SALL4: variants seen among roughly 807,000 people sequenced by gnomAD.
SALL4 encodes the protein spalt like transcription factor 4.
In SALL4, 4 loss-of-function variants were observed where a neutral mutation model predicts 60.8. The ratio of observed to expected loss-of-function variants is 0.07; its 90% CI spans 0.03 to 0.15. SALL4 has a LOEUF of 0.15. Ranked by LOEUF, SALL4 falls within the 10% of genes least tolerant of loss-of-function variation. The pLI, the probability that SALL4 is intolerant of heterozygous loss-of-function variation, is 1.00. For synonymous variants in SALL4, 580 were observed against 574.9 expected (o/e 1.01, Z -0.13); for missense variants, 1,178 against 1,394.7 (o/e 0.84, Z 2.48).
chr20:51,797,730 T>A (rs763310509), intron 1 of SALL4, among the ~76,000 whole-genome samples: 6 of 110,338 alleles, frequency 5.4e-5, no homozygotes, highest in Non-Finnish European at 8.4e-5. Context: ...ATTTTAGGAA[T>A]GTTATCTTGC....
rs1011130665 is a variant in SALL4 at position 51,801,972 on chromosome 20, A to G, written c.130+307T>C. Among the ~76,000 whole-genome samples the G allele has an allele frequency of 9.2e-5, 14 of 151,608 alleles. No individual in the cohort carries two copies. The highest frequency in any genetic ancestry group is 2.1e-4 in the Non-Finnish European group (14 of 67,922). On this transcript the variant is annotated intron_variant, in intron 1 of 3. Transcript: ENST00000217086. This position sits in a 1 kb window ranked among gnomAD's most constrained non-coding sequence, Gnocchi z 5.2. ...GTGGAACCAATTAAGTGAGGGGCAG[A>G]GGACAAGGAGAAGGGAACCTTTCGG...
rs1377043131 is a variant in SALL4, at chr20:51,788,817, C to T, written c.2742+44G>A. 1.2e-6 allele frequency: 2 copies of T among 1,610,004 alleles called. No homozygotes were observed. Among genetic ancestry groups the T allele is most frequent in the Admixed American group, 3.3e-5 (2 of 59,986 alleles). On this transcript the variant is annotated intron_variant, in intron 3 of 3. Transcript: ENST00000217086. The surrounding 1 kb of genome is among the most constrained non-coding windows in gnomAD (Gnocchi z 4.1). Reference sequence around the variant, plus strand: ...ACGGCTTGTGCCAATAAGAAGACACCTGGTGCCTAGCCCCCATCCTGCTGA... The same window carrying T: ...ACGGCTTGTGCCAATAAGAAGACACTTGGTGCCTAGCCCCCATCCTGCTGA...
In SALL4 at chr20:51,791,061, G is replaced by A. The variant is rs764594283; in HGVS notation, c.1422C>T (p.Ser474=). Reference sequence around the variant, plus strand: ...CAGAGGTGGTTACAAGGACAGGTTTGCTGTCTAAAGAAAGACTCGGTTCAT... The same window carrying A: ...CAGAGGTGGTTACAAGGACAGGTTTACTGTCTAAAGAAAGACTCGGTTCAT... The part of the protein sequence containing the change: ...PIDEPSLSLD[S]KPVLVTTSVG... The change falls in exon 2 of 4, where the codon AGC becomes AGT. Residue 474 remains serine, a synonymous_variant. Transcript: ENST00000217086. The surrounding 1 kb of genome is among the most constrained non-coding windows in gnomAD (Gnocchi z 4.6). 13 of 1,614,172 alleles carry A rather than the reference G, an allele frequency of 8.1e-6. No homozygotes were observed. In the East Asian group the frequency reaches 2.9e-4, roughly 36 times the overall value.
rs904974034 is a variant in SALL4, at chr20:51,801,045, C to T, written c.130+1234G>A. Among the ~76,000 whole-genome samples the T allele has an allele frequency of 6.6e-6, 1 of 152,014 alleles. No homozygotes were observed. The highest frequency in any genetic ancestry group is 2.1e-4 in the South Asian group (1 of 4,820). On this transcript the variant is annotated intron_variant, in intron 1 of 3. Transcript: ENST00000217086. This position sits in a 1 kb window ranked among gnomAD's most constrained non-coding sequence, Gnocchi z 5.2. ...GTCCTCCGGGGTTGCCGCGCACACC[C>T]GTCTGCTGCAGGGAAATTAGAAAGC...
intron 3 of SALL4, among the ~76,000 whole-genome samples, chr20:51,785,790 C>T (rs1415126678): frequency 5.3e-5 from 8 of 152,054 alleles, no homozygotes; most frequent in Admixed American, 1.3e-4. Flanking sequence ...ACTACAGGCA[C>T]GCGCCACCAT....
chr20:51,800,197 C>G (rs561329884), intron 1 of SALL4, among the ~76,000 whole-genome samples: 1 of 152,226 alleles, frequency 6.6e-6, no homozygotes, highest in Admixed American at 6.5e-5. Flanking sequence ...CACGAATCCC[C>G]TAGGGTACCC....
chr20:51,787,933 C>T (rs4350810), intron 3 of SALL4, among the ~76,000 whole-genome samples: 13,499 of 152,034 alleles, frequency 0.089, 812 homozygotes, highest in Non-Finnish European at 0.13. Flanking sequence ...GTGATCCTCC[C>T]ACTTCAGCCT....
chr20:51,790,419 G>C lies in SALL4; in HGVS notation c.2064C>G (p.Ile688Met), dbSNP rs774342189. 1.2e-6 allele frequency: 2 copies of C among 1,614,044 alleles called. No homozygotes were observed. ...STGAICHDDV[I>M]ESIDVEEVSS... is the part of the protein sequence containing the mutation. ...TGACTTCCTCTACATCGATGCTTTC[G>C]ATGACATCATCATGGCAGATAGCGC... The change falls in exon 2 of 4, where the codon ATC becomes ATG. Residue 688 changes from isoleucine (I) to methionine (M), a missense_variant. By Grantham distance (10) the Ile-to-Met change is conservative. This residue lies in a region of SALL4 where 853 missense variants were observed against 1,036.8 expected (regional missense o/e 0.82). Coordinates refer to ENST00000217086, the MANE Select transcript of SALL4 (RefSeq NM_020436.5). The surrounding 1 kb of genome is among the most constrained non-coding windows in gnomAD (Gnocchi z 5.5).
chr20:51,800,301 A>G (rs1420251442), intron 1 of SALL4, among the ~76,000 whole-genome samples: 1 of 152,188 alleles, frequency 6.6e-6, no homozygotes, highest in Non-Finnish European at 1.5e-5. Context: ...CCCGCCTCCC[A>G]GCAAAGGGCT....
chr20:51,789,726 A>G (rs909257810), intron 2 of SALL4, among the ~76,000 whole-genome samples: 1 of 152,186 alleles, frequency 6.6e-6, no homozygotes, highest in African/African-American at 2.4e-5. Context: ...AACTATAACA[A>G]AATAGAACGA....
chr20:51,795,563 A>G (rs1359161481), intron 1 of SALL4, among the ~76,000 whole-genome samples: 2 of 152,238 alleles, frequency 1.3e-5, no homozygotes, highest in East Asian at 3.8e-4. Flanking sequence ...AGGTGGCACA[A>G]TCTTTCTAGA....
At chr20:51,786,951 C>T (rs775439630) in intron 3 of SALL4, among the ~76,000 whole-genome samples, 19 of 151,846 alleles carry the variant, frequency 1.3e-4, no homozygotes, top group African/African-American at 4.1e-4. Context: ...AAACAGTAGC[C>T]GGGTATGGTG....
intron 1 of SALL4, chr20:51,797,397 GT>G (rs890459760): frequency 6.6e-6 from 1 of 152,126 alleles, no homozygotes; most frequent in African/African-American, 2.4e-5. Context: ...GGATCCAGCA[GT>G]TCCCAGAGTG....
In SALL4 at chr20:51,791,512, G is replaced by A. The variant is rs762133969; in HGVS notation, c.971C>T (p.Pro324Leu). The A allele has an allele frequency of 1.2e-6, 2 of 1,614,002 alleles. No individual in the cohort carries two copies. Among genetic ancestry groups the A allele is most frequent in the Admixed American group, 1.7e-5 (1 of 60,030 alleles). The change falls in exon 2 of 4, where the codon CCG (proline) becomes CTG (leucine). Residue 324 changes from proline (P) to leucine (L), a missense_variant. Transcript: ENST00000217086. This position sits in a 1 kb window ranked among gnomAD's most constrained non-coding sequence, Gnocchi z 4.6. The part of the protein sequence containing the change: ...TLKPDGTRVL[P>L]NVMSRLPSAL... ...GCTCGGGAGGCGGGACATGACGTTC[G>A]GGAGCACCCGGGTCCCATCCGGCTT...
intron 1 of SALL4, chr20:51,797,347 G>A (rs903545769): frequency 2.6e-5 from 4 of 151,982 alleles, no homozygotes; most frequent in Non-Finnish European, 5.9e-5. Flanking sequence ...GTTGAGAAGG[G>A]ATCTATGGCA....
chr20:51,782,884 G>C lies in SALL4; in HGVS notation c.*1381C>G, dbSNP rs999370392. The C allele has an allele frequency of 6.6e-6, 1 of 151,770 alleles. No individual in the cohort carries two copies. Among genetic ancestry groups the C allele is most frequent in the African/African-American group, 2.4e-5 (1 of 41,362 alleles). The allele number at this position is 151,770 out of a possible 1,614,324, so 9.4% of individuals were successfully genotyped here. A position where few individuals can be genotyped will look rare whatever the true frequency, so the allele number is the denominator to read the frequency against. Reference sequence around the variant, plus strand: ...GGAATACTTCAGCGGTCTTAAAATAGGAAAATAGACACTATGGCTACAAAA... The same window carrying C: ...GGAATACTTCAGCGGTCTTAAAATACGAAAATAGACACTATGGCTACAAAA... On this transcript the variant is annotated 3_prime_UTR_variant, in exon 4 of 4. Coordinates refer to ENST00000217086, the MANE Select transcript of SALL4 (RefSeq NM_020436.5).
chr20:51,792,702 AAAAAAAAGGC>A, intron 1 of SALL4: 3 of 881,984 alleles, frequency 3.4e-6, no homozygotes, highest in Non-Finnish European at 4.3e-6. Flanking sequence ...AAAAAAAAAA[AAAAAAAAGGC>A]AAAAAGGCTG....
At chr20:51,786,061 A>G (rs1379515277) in intron 3 of SALL4, among the ~76,000 whole-genome samples, 1 of 147,032 alleles carries the variant, frequency 6.8e-6, no homozygotes, top group Non-Finnish European at 1.5e-5. Context: ...CTGGGACTAC[A>G]GGTGCACACC....
chr20:51,800,087 G>A (rs957211092), intron 1 of SALL4, among the ~76,000 whole-genome samples: 10 of 152,140 alleles, frequency 6.6e-5, no homozygotes, highest in Non-Finnish European at 1.3e-4. Context: ...GAGGCAATTG[G>A]AGGCTCTGCA....
Sources: gnomAD v4.1 joint callset for allele counts (sites outside exome capture counted in the v4.1 genomes callset) on GRCh38, gnomAD v4.1.1 for gene constraint, gnomAD v4.1.1 regional missense constraint, Gnocchi (gnomAD v3.1) non-coding constraint, MANE v1.5 for transcripts, NCBI Gene and HGNC (gene_info 2026-07-23, HGNC 2026-07-21) for gene names.